Variants in RCAN2 observed in about 807,000 individuals in gnomAD.
RCAN2 encodes the protein regulator of calcineurin 2, also known as calcipressin-2.
RCAN2 carries 9 observed loss-of-function variants against 23.6 expected under a neutral mutation model. The ratio of observed to expected loss-of-function variants is 0.38; its 90% CI spans 0.23 to 0.67. The LOEUF (loss-of-function observed/expected upper bound fraction) is 0.67, where lower values mean the gene tolerates loss of function less well. Ranked by LOEUF, RCAN2 falls within the 30% of genes least tolerant of loss-of-function variation. RCAN2 has a pLI of 0.51. For synonymous variants in RCAN2, 109 were observed against 115.7 expected, an observed-to-expected ratio of 0.94 and a Z score of 0.37; for missense variants, 273 against 302.3, an observed-to-expected ratio of 0.90 and a Z score of 0.72.
At position 46,361,290 on chromosome 6, in the gene RCAN2, G is replaced by A. The variant is rs79906641; in HGVS notation, c.225+95462C>T. On this transcript the variant is annotated intron_variant, in intron 2 of 4. Coordinates refer to ENST00000371374, the MANE Select transcript of RCAN2 (RefSeq NM_001251974.2). ...GGGGAATGAATGAGCTGAAACCTCT[G>A]TGCACAAGAAGCCCAGCAGAGTAGC... Among the ~76,000 whole-genome samples the A allele has an allele frequency of 7.2e-3, 1,092 of 152,256 alleles. 20 individuals carry two copies. Among genetic ancestry groups the A allele is most frequent in the East Asian group, 0.057 (294 of 5,172 alleles).
At chr6:46,276,463 G>C (rs1326365405) in intron 2 of RCAN2, among the ~76,000 whole-genome samples, 1 of 152,114 alleles carries the variant, frequency 6.6e-6, no homozygotes, top group Non-Finnish European at 1.5e-5. Flanking sequence ...GTGGTCCTAT[G>C]ATTTAAATAT....
In RCAN2 at chr6:46,443,930, A is replaced by G. The variant is rs117526888; in HGVS notation, c.225+12822T>C. On this transcript the variant is annotated intron_variant, in intron 2 of 4. Coordinates refer to ENST00000371374, the MANE Select transcript of RCAN2 (RefSeq NM_001251974.2). Reference sequence around the variant, plus strand: ...AGAAAGCCTCACTCTACTCTTTTTTATCTCTCTAAATAATCAGCTGATTCT... The same window carrying G: ...AGAAAGCCTCACTCTACTCTTTTTTGTCTCTCTAAATAATCAGCTGATTCT... Among the ~76,000 whole-genome samples the G allele has an allele frequency of 6.2e-4, 95 of 152,248 alleles. No homozygotes were observed. The East Asian group carries it at 6.8e-3, about 11-fold the overall frequency.
At chr6:46,306,391 T>A (rs777086724) in intron 2 of RCAN2, among the ~76,000 whole-genome samples, 21 of 152,144 alleles carry the variant, frequency 1.4e-4, no homozygotes, top group Admixed American at 6.6e-5. Flanking sequence ...GTTCCTCCGA[T>A]CCCAGAGGGT....
At position 46,229,788 on chromosome 6, in the gene RCAN2, A is replaced by G. The variant is rs1445789664; in HGVS notation, c.572-6487T>C. Among the ~76,000 whole-genome samples, 3 of 152,192 alleles carry G rather than the reference A, an allele frequency of 2.0e-5. No individual in the cohort carries two copies. The South Asian group carries it at 6.2e-4, about 32-fold the overall frequency. On this transcript the variant is annotated intron_variant, in intron 4 of 4. Coordinates refer to ENST00000371374, the MANE Select transcript of RCAN2 (RefSeq NM_001251974.2). ...CTTCTTCTCTCAACTCGTCAAAGTC[A>G]TTCTCCATCCAGCTTTGTTCCATTG... is the stretch of plus-strand genomic sequence containing the variant.
chr6:46,279,763 C>G (rs1160535027), intron 2 of RCAN2, among the ~76,000 whole-genome samples: 1 of 152,160 alleles, frequency 6.6e-6, no homozygotes, highest in Non-Finnish European at 1.5e-5. Context: ...AGTAATTCTG[C>G]CCTTGTAACT....
intron 2 of RCAN2, among the ~76,000 whole-genome samples, chr6:46,261,762 G>A (rs1305943380): frequency 6.6e-6 from 1 of 152,134 alleles, no homozygotes; most frequent in Non-Finnish European, 1.5e-5. Context: ...ATTATCTACT[G>A]AAAATGTAGA....
chr6:46,287,623 C>A (rs1432403873), intron 2 of RCAN2, among the ~76,000 whole-genome samples: 1 of 152,230 alleles, frequency 6.6e-6, no homozygotes, highest in Non-Finnish European at 1.5e-5. Context: ...AGACTCTAAA[C>A]TTTTCACAGA....
chr6:46,422,366 G>T (rs926378572), intron 2 of RCAN2, among the ~76,000 whole-genome samples: 1 of 152,148 alleles, frequency 6.6e-6, no homozygotes, highest in African/African-American at 2.4e-5. Context: ...TTCCTATACA[G>T]CCTGCAGAAC....
intron 2 of RCAN2, among the ~76,000 whole-genome samples, chr6:46,417,095 T>G (rs1766734996): frequency 6.6e-6 from 1 of 152,220 alleles, no homozygotes; most frequent in South Asian, 2.1e-4. Flanking sequence ...ATTGCTTTAC[T>G]ATTTCCTTCA....
chr6:46,378,132 C>T (rs1234833679), intron 2 of RCAN2, among the ~76,000 whole-genome samples: 1 of 152,164 alleles, frequency 6.6e-6, no homozygotes, highest in African/African-American at 2.4e-5. Flanking sequence ...ATTTGCTAAT[C>T]GTGGTGCCAG....
At chr6:46,383,168 A>AGTGTGTGTGTGTGT (rs71305761) in intron 2 of RCAN2, among the ~76,000 whole-genome samples, 2 of 139,304 alleles carry the variant, frequency 1.4e-5, no homozygotes, top group African/African-American at 2.6e-5. Flanking sequence ...CAGCCTGGGT[A>AGTGTGTGTGTGTGT]GTGTGTGTGT....
intron 2 of RCAN2, among the ~76,000 whole-genome samples, chr6:46,269,643 C>G (rs1045491504): frequency 5.9e-5 from 9 of 152,176 alleles, no homozygotes; most frequent in Admixed American, 5.2e-4. Flanking sequence ...GGAGTGCCAG[C>G]TGCAGCTGTG....
intron 2 of RCAN2, among the ~76,000 whole-genome samples, chr6:46,358,558 T>A (rs2150382009): frequency 6.6e-6 from 1 of 152,310 alleles, no homozygotes; most frequent in Non-Finnish European, 1.5e-5. Context: ...CCATGTTTCT[T>A]CATCTATAAA....
intron 2 of RCAN2, among the ~76,000 whole-genome samples, chr6:46,347,523 G>A (rs1052232557): frequency 3.3e-5 from 5 of 152,102 alleles, no homozygotes; most frequent in African/African-American, 7.2e-5. Context: ...GTATTTAAAG[G>A]TATACTTAAA....
intron 2 of RCAN2, among the ~76,000 whole-genome samples, chr6:46,316,074 G>T (rs563732765): frequency 3.9e-5 from 6 of 152,316 alleles, no homozygotes; most frequent in African/African-American, 1.4e-4. Flanking sequence ...GAGTGTCCCT[G>T]AGGTGAGGGC....
rs1237065583 is a variant in RCAN2 at position 46,372,210 on chromosome 6, A to G, written c.225+84542T>C. On this transcript the variant is annotated intron_variant, in intron 2 of 4. Transcript: ENST00000371374. Reference sequence around the variant, plus strand: ...TGATGACTAGTACATGACAGCAACAATCGTATTTCCCAGCACTGTCACAAC... The same window carrying G: ...TGATGACTAGTACATGACAGCAACAGTCGTATTTCCCAGCACTGTCACAAC... Among the ~76,000 whole-genome samples, 3 of 152,234 alleles carry G rather than the reference A, an allele frequency of 2.0e-5. No homozygotes were observed. The East Asian group carries it at 5.8e-4, about 29-fold the overall frequency.
intron 2 of RCAN2, among the ~76,000 whole-genome samples, chr6:46,276,099 G>T (rs530651618): frequency 6.6e-6 from 1 of 152,208 alleles, no homozygotes; most frequent in East Asian, 1.9e-4. Context: ...CCAGCTACTC[G>T]GGAGGCTGAA....
intron 1 of RCAN2, among the ~76,000 whole-genome samples, chr6:46,470,041 G>A (rs922527436): frequency 2.0e-5 from 3 of 152,156 alleles, no homozygotes; most frequent in Non-Finnish European, 4.4e-5. Context: ...TCAGAACTGT[G>A]AGAAAATTAA....
chr6:46,441,400 T>C (rs561412998), intron 2 of RCAN2, among the ~76,000 whole-genome samples: 1 of 152,286 alleles, frequency 6.6e-6, no homozygotes, highest in Admixed American at 6.5e-5. Context: ...ACCCGAAGAA[T>C]GAGGAGGTTG....
Sources: allele counts gnomAD v4.1 joint callset (sites outside exome capture counted in the v4.1 genomes callset), GRCh38; gene constraint gnomAD v4.1.1; transcripts MANE v1.5; gene names NCBI Gene and HGNC (gene_info 2026-07-23, HGNC 2026-07-21).